SH3GLB1: variants seen among roughly 807,000 people sequenced by gnomAD.
SH3GLB1 encodes the protein endophilin-B1.
SH3GLB1 carries 17 observed loss-of-function variants against 42.0 expected under a neutral mutation model. That is an observed-to-expected ratio of 0.40 (90% CI 0.28 to 0.61). The LOEUF is 0.61. Among genes scored for constraint, SH3GLB1 ranks in the 20% least tolerant of loss-of-function variants. The pLI, the probability that SH3GLB1 is intolerant of heterozygous loss-of-function variation, is 0.36. For synonymous variants in SH3GLB1, 132 were observed against 146.6 expected (o/e 0.90, Z 0.72); for missense variants, 355 against 426.3 (o/e 0.83, Z 1.47).
At chr1:86,737,729 T>C (rs1655845666) in intron 7 of SH3GLB1, among the ~76,000 whole-genome samples, 1 of 152,182 alleles carries the variant, frequency 6.6e-6, no homozygotes, top group Admixed American at 6.5e-5. Flanking sequence ...AAAAGCAATA[T>C]GTATATAAAT....
rs1349915743 is a variant in SH3GLB1, at chr1:86,724,890, A to ACT, written c.570+485_570+486insCT. 5.8e-5 allele frequency among the ~76,000 whole-genome samples: 6 copies of ACT among 102,980 alleles called. 1 individual carries two copies. Among genetic ancestry groups the ACT allele is most frequent in the Non-Finnish European group, 7.6e-5 (4 of 52,402 alleles). 67.6% of individuals were successfully genotyped at this position (102,980 alleles called of 152,430 possible). A position where few individuals can be genotyped will look rare whatever the true frequency, so the allele number is the denominator to read the frequency against. ...CCCTGTCTTTAAAAAAAAAAAAAAA[A>ACT]AAATATATATATATATATATATAAA... On this transcript the variant is annotated intron_variant, in intron 5 of 8. Coordinates refer to ENST00000370558, the MANE Select transcript of SH3GLB1 (RefSeq NM_016009.5).
In SH3GLB1 at chr1:86,747,675, G is replaced by A. The variant is rs1371020930; in HGVS notation, c.*4440G>A. Reference sequence around the variant, plus strand: ...TAAAGTAAGCACTACCACCATCCACGTTTTCACTCAACACAGTGCCTTTTA... The same window carrying A: ...TAAAGTAAGCACTACCACCATCCACATTTTCACTCAACACAGTGCCTTTTA... On this transcript the variant is annotated 3_prime_UTR_variant, in exon 9 of 9. Transcript: ENST00000370558. The A allele has an allele frequency of 1.3e-5, 2 of 152,170 alleles. No individual in the cohort carries two copies. The highest frequency in any genetic ancestry group is 2.4e-5 in the African/African-American group (1 of 41,432). 9.4% of individuals were successfully genotyped at this position (152,170 alleles called of 1,614,324 possible).
intron 5 of SH3GLB1, among the ~76,000 whole-genome samples, chr1:86,726,739 T>C (rs140429021): frequency 2.0e-5 from 3 of 152,164 alleles, no homozygotes; most frequent in Non-Finnish European, 4.4e-5. Flanking sequence ...TGAAATACTT[T>C]GGGAAGAAAA....
rs528062280 is a variant in SH3GLB1 at position 86,736,269 on chromosome 1, G to A, written c.761+1090G>A. The stretch of plus-strand genomic sequence containing the variant: ...AGCAGGGGAGCGATATGTAGCATTT[G>A]AAGGATGAATATCAAAAAATCGTTT... On this transcript the variant is annotated intron_variant, in intron 7 of 8. Transcript: ENST00000370558. 9.9e-5 allele frequency among the ~76,000 whole-genome samples: 15 copies of A among 152,260 alleles called. No homozygotes were observed. The East Asian group carries it at 2.5e-3, about 25-fold the overall frequency.
intron 6 of SH3GLB1, 93 bp downstream of exon 6, chr1:86,734,784 A>G: frequency 2.5e-6 from 2 of 816,168 alleles, no homozygotes; most frequent in Non-Finnish European, 4.0e-6. Flanking sequence ...TCAGTCATTC[A>G]TCAAGGAAAT....
chr1:86,724,879 AAAAAAAAAAAAAAAT>A lies in SH3GLB1; in HGVS notation c.570+476_570+490del, dbSNP rs1250873489. 3.9e-4 allele frequency among the ~76,000 whole-genome samples: 45 copies of A among 115,038 alleles called. 1 individual carries two copies. Among genetic ancestry groups the A allele is most frequent in the African/African-American group, 2.1e-3 (40 of 18,772 alleles). The allele number at this position is 115,038 out of a possible 152,430, so 75.5% of individuals were successfully genotyped here. A position where few individuals can be genotyped will look rare whatever the true frequency, so the allele number is the denominator to read the frequency against. Reference sequence around the variant, plus strand: ...ACAGAGCCAGACCCTGTCTTTAAAAAAAAAAAAAAAAAAATATATATATATATATATATAAAATAT... The same window carrying A: ...ACAGAGCCAGACCCTGTCTTTAAAAAATATATATATATATATATAAAATAT... On this transcript the variant is annotated intron_variant, in intron 5 of 8. Coordinates refer to ENST00000370558, the MANE Select transcript of SH3GLB1 (RefSeq NM_016009.5).
chr1:86,713,636 C>T (rs2101921383), intron 1 of SH3GLB1, among the ~76,000 whole-genome samples: 2 of 152,236 alleles, frequency 1.3e-5, no homozygotes, highest in African/African-American at 4.8e-5. Context: ...GTTTCTCTAA[C>T]TACCCGCATC....
At chr1:86,724,908 TATATAAA>T (rs1655100825) in intron 5 of SH3GLB1, among the ~76,000 whole-genome samples, 2 of 134,874 alleles carry the variant, frequency 1.5e-5, no homozygotes, top group African/African-American at 5.9e-5. Flanking sequence ...TATATATATA[TATATAAA>T]ATATATAATA....
rs948807467 is a variant in SH3GLB1, at chr1:86,707,644, ATTT to A, written c.72+2692_72+2694del. ...ATCTGAGATTTGGTTTTTACAGGGT[ATTT>A]TTTTTTTTTTTTTTTTTTGAGATGG... On this transcript the variant is annotated intron_variant, in intron 1 of 8. Coordinates refer to ENST00000370558, the MANE Select transcript of SH3GLB1 (RefSeq NM_016009.5). 1.6e-3 allele frequency among the ~76,000 whole-genome samples: 183 copies of A among 116,504 alleles called. 1 individual carries two copies. The highest frequency in any genetic ancestry group is 5.6e-3 in the African/African-American group (170 of 30,302). 76.4% of individuals were successfully genotyped at this position (116,504 alleles called of 152,430 possible). A position where few individuals can be genotyped will look rare whatever the true frequency, so the allele number is the denominator to read the frequency against.
chr1:86,745,328 A>G lies in SH3GLB1; in HGVS notation c.*2093A>G, dbSNP rs1656247768. The G allele has an allele frequency of 6.6e-6, 1 of 152,270 alleles. No homozygotes were observed. Among genetic ancestry groups the G allele is most frequent in the South Asian group, 2.1e-4 (1 of 4,836 alleles). The allele number at this position is 152,270 out of a possible 1,614,324, so 9.4% of individuals were successfully genotyped here. ...CCTTTCAGGGAAAGGCTTGGCACAT[A>G]GTAAACACATCCTGTAAATATCAGT... On this transcript the variant is annotated 3_prime_UTR_variant, in exon 9 of 9. Transcript: ENST00000370558.
At chr1:86,738,199 G>A (rs116133025) in intron 7 of SH3GLB1, among the ~76,000 whole-genome samples, 1,893 of 152,208 alleles carry the variant, frequency 0.012, 54 homozygotes, top group African/African-American at 0.043. Context: ...GTGGTAGGTA[G>A]GATGGAAGTG....
intron 7 of SH3GLB1, 62 bp downstream of exon 7, chr1:86,735,241 C>CTAAG (rs950726380): frequency 1.0e-4 from 111 of 1,083,940 alleles, no homozygotes; most frequent in Non-Finnish European, 1.5e-4. Context: ...TGAACTAATA[C>CTAAG]TAAGGATGAA....
chr1:86,737,488 C>T (rs962962711), intron 7 of SH3GLB1, among the ~76,000 whole-genome samples: 1 of 151,924 alleles, frequency 6.6e-6, no homozygotes, highest in African/African-American at 2.4e-5. Flanking sequence ...GTATTTAATC[C>T]CTACTGAAGA....
chr1:86,721,942 T>C (rs1429884437), intron 3 of SH3GLB1, among the ~76,000 whole-genome samples: 1 of 151,978 alleles, frequency 6.6e-6, no homozygotes, highest in Non-Finnish European at 1.5e-5. Context: ...ATAGTTGTTA[T>C]GCTGTATTTT....
intron 1 of SH3GLB1, among the ~76,000 whole-genome samples, chr1:86,709,213 G>A (rs560847661): frequency 1.3e-5 from 2 of 152,276 alleles, no homozygotes; most frequent in South Asian, 4.1e-4. Context: ...AAGTTTGTAT[G>A]TGCTAAGGCA....
intron 5 of SH3GLB1, among the ~76,000 whole-genome samples, chr1:86,734,026 T>C (rs1447708204): frequency 6.6e-6 from 1 of 152,138 alleles, no homozygotes; most frequent in African/African-American, 2.4e-5. Context: ...AAAGAAAATT[T>C]GAAAGAAAGA....
rs1165438979 is a variant in SH3GLB1, at chr1:86,724,874, T to TAA, written c.570+487_570+488dup. On this transcript the variant is annotated intron_variant, in intron 5 of 8. Coordinates refer to ENST00000370558, the MANE Select transcript of SH3GLB1 (RefSeq NM_016009.5). ...GGGCAACAGAGCCAGACCCTGTCTTTAAAAAAAAAAAAAAAAAAATATATA... is the reference window on the plus strand; with the variant it reads ...GGGCAACAGAGCCAGACCCTGTCTTTAAAAAAAAAAAAAAAAAAAAATATATA... Among the ~76,000 whole-genome samples, 156 of 97,854 alleles carry TAA rather than the reference T, an allele frequency of 1.6e-3. 4 individuals carry two copies. The highest frequency in any genetic ancestry group is 5.7e-3 in the Middle Eastern group (1 of 176). The allele number at this position is 97,854 out of a possible 152,430, so 64.2% of individuals were successfully genotyped here. A position where few individuals can be genotyped will look rare whatever the true frequency, so the allele number is the denominator to read the frequency against.
At chr1:86,719,013 A>G (rs966255756) in intron 2 of SH3GLB1, among the ~76,000 whole-genome samples, 5 of 152,224 alleles carry the variant, frequency 3.3e-5, no homozygotes, top group African/African-American at 1.2e-4. Flanking sequence ...GCCTGTGTCT[A>G]TATTTAGACT....
chr1:86,742,110 T>C lies in SH3GLB1; in HGVS notation c.762-98T>C. 3 of 769,974 alleles carry C rather than the reference T, an allele frequency of 3.9e-6. No homozygotes were observed. In the South Asian group the frequency reaches 5.0e-5, roughly 13 times the overall value. 47.7% of individuals were successfully genotyped at this position (769,974 alleles called of 1,614,324 possible). A position where few individuals can be genotyped will look rare whatever the true frequency, so the allele number is the denominator to read the frequency against. On this transcript the variant is annotated intron_variant, in intron 7 of 8. Coordinates refer to ENST00000370558, the MANE Select transcript of SH3GLB1 (RefSeq NM_016009.5). Reference sequence around the variant, plus strand: ...ATTAATATCTATAAATCTTTTCCAATGTGAAGGTTGGTAGAAAGTAAACAG... The same window carrying C: ...ATTAATATCTATAAATCTTTTCCAACGTGAAGGTTGGTAGAAAGTAAACAG...
Sources: gnomAD v4.1 joint callset for allele counts (sites outside exome capture counted in the v4.1 genomes callset) on GRCh38, gnomAD v4.1.1 for gene constraint, MANE v1.5 for transcripts, NCBI Gene and HGNC (gene_info 2026-07-23, HGNC 2026-07-21) for gene names.